CCDC3: variants seen among roughly 807,000 people sequenced by gnomAD.
CCDC3 encodes coiled-coil domain containing 3.
Under a neutral mutation model 21.4 loss-of-function variants are expected in CCDC3, and 24 were observed. The observed-to-expected ratio is 1.12, with a 90% CI of 0.81 to 1.58. The LOEUF is 1.58. CCDC3 is among the 40% of genes most tolerant of loss of function. The pLI is 0.00. For synonymous variants in CCDC3, 186 were observed against 166.0 expected, an observed-to-expected ratio of 1.12 and a Z score of -0.93; for missense variants, 425 against 360.9, an observed-to-expected ratio of 1.18 and a Z score of -1.44.
intron 2 of CCDC3, among the ~76,000 whole-genome samples, chr10:12,931,313 A>G (rs1485476683): frequency 6.6e-6 from 1 of 151,888 alleles, no homozygotes; most frequent in Non-Finnish European, 1.5e-5. Flanking sequence ...ACACTGTTTT[A>G]ATTTCTAATT....
chr10:13,058,187 T>C (rs1441575314), intron 4 of CCDC3: 3 of 1,141,590 alleles, frequency 2.6e-6, no homozygotes, highest in Non-Finnish European at 2.6e-6. Context: ...CACAGCTCCC[T>C]TCAGGGTGCC....
intron 2 of CCDC3, among the ~76,000 whole-genome samples, chr10:12,975,833 A>T (rs927872630): frequency 2.0e-5 from 3 of 152,114 alleles, no homozygotes; most frequent in Non-Finnish European, 4.4e-5. Context: ...CCCAATCCCA[A>T]ATTGCAGGTG....
At chr10:13,093,804 T>C (rs888107123) in intron 3 of CCDC3, among the ~76,000 whole-genome samples, 2 of 152,172 alleles carry the variant, frequency 1.3e-5, no homozygotes, top group Non-Finnish European at 2.9e-5. Context: ...GACAAATCAC[T>C]TGTACTTTCC....
At chr10:12,915,974 G>A (rs1185514957) in intron 2 of CCDC3, among the ~76,000 whole-genome samples, 2 of 152,110 alleles carry the variant, frequency 1.3e-5, no homozygotes, top group Non-Finnish European at 1.5e-5. Context: ...GAGCCATGGG[G>A]GCTAGTCTGG....
intron 4 of CCDC3, among the ~76,000 whole-genome samples, chr10:13,052,946 A>T (rs1452036773): frequency 4.0e-4 from 34 of 84,868 alleles, no homozygotes; most frequent in African/African-American, 6.1e-4. Context: ...TGTCACACAC[A>T]CACACACACA....
intron 2 of CCDC3, among the ~76,000 whole-genome samples, chr10:12,939,531 G>T (rs962989082): frequency 3.3e-5 from 5 of 152,182 alleles, no homozygotes; most frequent in Admixed American, 6.5e-5. Context: ...GCTGAGGGGG[G>T]ATGATCGTGG....
At chr10:12,927,202 C>A (rs777070445) in intron 2 of CCDC3, among the ~76,000 whole-genome samples, 1 of 152,202 alleles carries the variant, frequency 6.6e-6, no homozygotes, top group Non-Finnish European at 1.5e-5. Context: ...ACCACTACTA[C>A]AAGAATTCTA....
chr10:13,018,885 C>T (rs897150101), intron 5 of CCDC3, among the ~76,000 whole-genome samples: 20 of 150,674 alleles, frequency 1.3e-4, no homozygotes, highest in African/African-American at 4.1e-4. Flanking sequence ...TGCAGTGAGC[C>T]GAGATCATGC....
At chr10:13,049,801 G>A (rs1836579849) in exon 5 of CCDC3, 1 of 152,160 alleles carries the variant, frequency 6.6e-6, no homozygotes, top group Admixed American at 6.5e-5. Context: ...CACCCTTTCT[G>A]GAGGGCGGGT....
At chr10:13,055,782 A>T (rs1256312011) in intron 4 of CCDC3, among the ~76,000 whole-genome samples, 3 of 152,196 alleles carry the variant, frequency 2.0e-5, no homozygotes, top group African/African-American at 7.2e-5. Flanking sequence ...TGCTTTACTC[A>T]TAAACAAATT....
At chr10:13,067,019 G>T (rs910634180) in intron 4 of CCDC3, among the ~76,000 whole-genome samples, 3 of 152,308 alleles carry the variant, frequency 2.0e-5, no homozygotes, top group Admixed American at 6.5e-5. Flanking sequence ...TCCTAGGTGT[G>T]GGGCTTGAGG....
At chr10:12,922,709 G>A (rs893640287) in intron 2 of CCDC3, among the ~76,000 whole-genome samples, 3 of 152,048 alleles carry the variant, frequency 2.0e-5, no homozygotes, top group South Asian at 2.1e-4. Context: ...TGTTTTCCCC[G>A]GATGTGGTAC....
At chr10:13,055,363 A>G (rs1379505329) in intron 4 of CCDC3, among the ~76,000 whole-genome samples, 3 of 149,894 alleles carry the variant, frequency 2.0e-5, no homozygotes, top group African/African-American at 7.4e-5. Context: ...ACAGGGTCTC[A>G]CTCTGTCACC....
chr10:13,008,727 T>A (rs755428057), intron 5 of CCDC3, among the ~76,000 whole-genome samples: 4 of 152,220 alleles, frequency 2.6e-5, no homozygotes, highest in Non-Finnish European at 5.9e-5. Flanking sequence ...ATATATGTTA[T>A]ATGCTTACAA....
At chr10:13,096,008 T>A (rs1053451210) in intron 3 of CCDC3, among the ~76,000 whole-genome samples, 1 of 152,224 alleles carries the variant, frequency 6.6e-6, no homozygotes, top group Non-Finnish European at 1.5e-5. Flanking sequence ...TATGGAGTCA[T>A]AGCATATGTA....
intron 2 of CCDC3, among the ~76,000 whole-genome samples, chr10:12,931,912 TATTACATTTTTTATATATAA>T (rs1481054557): frequency 6.6e-6 from 1 of 152,178 alleles, no homozygotes. Flanking sequence ...GGTGGGAAAA[TATTACATTTTTTATATATAA>T]AAAACAGTTT....
intron 2 of CCDC3, among the ~76,000 whole-genome samples, chr10:12,932,104 T>C (rs1049827377): frequency 6.6e-5 from 10 of 152,180 alleles, no homozygotes; most frequent in African/African-American, 2.4e-4. Flanking sequence ...TTCTTCAGAG[T>C]TTTGTAGTTT....
At chr10:13,089,171 T>C (rs1564345015) in intron 3 of CCDC3, among the ~76,000 whole-genome samples, 1 of 152,168 alleles carries the variant, frequency 6.6e-6, no homozygotes, top group African/African-American at 2.4e-5. Context: ...TTACAGATAG[T>C]GGCTAACTCT....
In CCDC3 at chr10:12,925,567, A is replaced by T. The variant is rs560040508; in HGVS notation, c.550-26888T>A. On this transcript the variant is annotated intron_variant, in intron 2 of 2. Coordinates refer to ENST00000378825, the MANE Select transcript of CCDC3 (RefSeq NM_031455.4). The stretch of plus-strand genomic sequence containing the variant: ...CATCCAAGCCACTTTTAAAAAATGC[A>T]CAACTGCCTATCCCAAAGGTAAACC... 9.1e-4 allele frequency among the ~76,000 whole-genome samples: 138 copies of T among 152,348 alleles called. 1 individual carries two copies. The highest frequency in any genetic ancestry group is 3.1e-3 in the African/African-American group (131 of 41,592).
Sources: gnomAD v4.1 joint callset for allele counts (sites outside exome capture counted in the v4.1 genomes callset) on GRCh38, gnomAD v4.1.1 for gene constraint, MANE v1.5 for transcripts, NCBI Gene and HGNC (gene_info 2026-07-23, HGNC 2026-07-21) for gene names.